Variants in FUT8 observed in about 807,000 individuals in gnomAD.
FUT8 encodes fucosyltransferase 8, also known as alpha-(1,6)-fucosyltransferase.
FUT8 carries 29 observed loss-of-function variants against 71.3 expected under a neutral mutation model. The observed-to-expected ratio is 0.41, with a 90% CI of 0.30 to 0.55. The LOEUF (loss-of-function observed/expected upper bound fraction) is 0.55. Ranked by LOEUF, FUT8 falls within the 20% of genes least tolerant of loss-of-function variation. FUT8 has a pLI of 0.34. For synonymous variants in FUT8, 254 were observed against 239.3 expected (o/e 1.06, Z -0.57); for missense variants, 544 against 702.1 (o/e 0.77, Z 2.55).
intron 1 of FUT8, among the ~76,000 whole-genome samples, chr14:65,428,565 G>A (rs76616146): frequency 1.3e-5 from 2 of 152,056 alleles, no homozygotes; most frequent in East Asian, 1.9e-4. Context: ...CACCCCAAAC[G>A]GACTAAGACA....
intron 2 of FUT8, among the ~76,000 whole-genome samples, chr14:65,465,557 T>C (rs1037622599): frequency 1.3e-5 from 2 of 152,250 alleles, no homozygotes; most frequent in South Asian, 4.1e-4. Flanking sequence ...CTACGAGTTA[T>C]TTGTAAGTGA....
chr14:65,578,445 CTT>C (rs1247814226), intron 3 of FUT8, among the ~76,000 whole-genome samples: 1 of 152,206 alleles, frequency 6.6e-6, no homozygotes, highest in Non-Finnish European at 1.5e-5. Context: ...ATATTGACGT[CTT>C]TTAATTCATT....
intron 7 of FUT8, among the ~76,000 whole-genome samples, chr14:65,673,592 C>T (rs1238748882): frequency 1.3e-5 from 2 of 152,130 alleles, no homozygotes; most frequent in African/African-American, 4.8e-5. Context: ...TGTCAGTGGG[C>T]ACAACATGTA....
chr14:65,549,865 A>G (rs1885189776), intron 2 of FUT8, among the ~76,000 whole-genome samples: 1 of 152,076 alleles, frequency 6.6e-6, no homozygotes, highest in Admixed American at 6.6e-5. Flanking sequence ...TTATAAAGAA[A>G]AGAGGTTTAC....
intron 3 of FUT8, among the ~76,000 whole-genome samples, chr14:65,569,745 G>A (rs115388788): frequency 0.014 from 2,148 of 151,716 alleles, 45 homozygotes; most frequent in African/African-American, 0.049. Flanking sequence ...CTGCCTCTTT[G>A]CATGTCTAGT....
intron 2 of FUT8, among the ~76,000 whole-genome samples, chr14:65,505,435 C>T (rs1332385510): frequency 2.6e-5 from 4 of 151,254 alleles, no homozygotes; most frequent in Non-Finnish European, 5.9e-5. Flanking sequence ...GCCTCAGCCT[C>T]CCAAGTAGCT....
intron 6 of FUT8, among the ~76,000 whole-genome samples, chr14:65,631,680 A>G (rs1890188509): frequency 6.6e-6 from 1 of 152,008 alleles, no homozygotes; most frequent in South Asian, 2.1e-4. Context: ...GGACAATCTC[A>G]GTAGAAAAAA....
At chr14:65,470,829 C>G (rs1042870727) in intron 2 of FUT8, among the ~76,000 whole-genome samples, 1 of 151,952 alleles carries the variant, frequency 6.6e-6, no homozygotes, top group Non-Finnish European at 1.5e-5. Context: ...AGCTCAGCCT[C>G]AGCTCTGCAT....
intron 7 of FUT8, among the ~76,000 whole-genome samples, chr14:65,711,004 T>C (rs973581844): frequency 1.3e-5 from 2 of 152,108 alleles, no homozygotes; most frequent in Non-Finnish European, 2.9e-5. Flanking sequence ...AGGAACTCAC[T>C]CATTACCTCT....
intron 2 of FUT8, chr14:65,471,105 G>A: frequency 2.2e-6 from 1 of 462,902 alleles, no homozygotes; most frequent in South Asian, 1.6e-5. Flanking sequence ...GGTGGTAAGG[G>A]TAGAGGGATG....
At chr14:65,625,680 A>G (rs1326943892) in intron 5 of FUT8, among the ~76,000 whole-genome samples, 1 of 152,234 alleles carries the variant, frequency 6.6e-6, no homozygotes, top group African/African-American at 2.4e-5. Context: ...ACAAATGTCT[A>G]AAGTGCTTCA....
intron 7 of FUT8, among the ~76,000 whole-genome samples, chr14:65,721,244 T>TAA (rs34050977): frequency 0.01 from 1,493 of 146,914 alleles, 22 homozygotes; most frequent in African/African-American, 0.035. Flanking sequence ...TCCAATAGAT[T>TAA]AAAAAAAAAA....
intron 3 of FUT8, among the ~76,000 whole-genome samples, chr14:65,599,969 A>T (rs1484817178): frequency 6.6e-6 from 1 of 152,238 alleles, no homozygotes; most frequent in African/African-American, 2.4e-5. Flanking sequence ...TTTTGAGTAC[A>T]TGAAGAAAAT....
rs148349138 is a variant in FUT8, at chr14:65,700,154, C to T, written c.836-21621C>T. Among the ~76,000 whole-genome samples, 112 of 152,186 alleles carry T rather than the reference C, an allele frequency of 7.4e-4. 2 individuals carry two copies. In the East Asian group the frequency reaches 0.02, roughly 28 times the overall value. ...CTAAGAAGAGCATTTTGGGTTATAT[C>T]ACTGATTCATTCCATTCACTACTCT... On this transcript the variant is annotated intron_variant, in intron 7 of 10. Transcript: ENST00000673929.
At chr14:65,433,964 AT>A (rs1425237965) in intron 1 of FUT8, among the ~76,000 whole-genome samples, 6 of 152,068 alleles carry the variant, frequency 3.9e-5, no homozygotes, top group Non-Finnish European at 4.4e-5. Context: ...AGGCTCAGCT[AT>A]TTCTACCTCT....
intron 5 of FUT8, among the ~76,000 whole-genome samples, chr14:65,628,948 A>G (rs1890032769): frequency 6.6e-6 from 1 of 152,246 alleles, no homozygotes; most frequent in Non-Finnish European, 1.5e-5. Context: ...AGGATCTTAG[A>G]GATCTGTAGA....
chr14:65,450,980 C>T (rs1210471527), intron 1 of FUT8, among the ~76,000 whole-genome samples: 1 of 152,022 alleles, frequency 6.6e-6, no homozygotes, highest in Non-Finnish European at 1.5e-5. Flanking sequence ...CCTCAGCCTC[C>T]CTAGTAGCTG....
chr14:65,657,204 A>G (rs554855550), intron 6 of FUT8, among the ~76,000 whole-genome samples: 1 of 152,348 alleles, frequency 6.6e-6, no homozygotes, highest in South Asian at 2.1e-4. Context: ...GGAGCAGTCA[A>G]CAAAGTGAAG....
At chr14:65,436,735 A>G (rs1394177797) in intron 1 of FUT8, among the ~76,000 whole-genome samples, 1 of 152,146 alleles carries the variant, frequency 6.6e-6, no homozygotes, top group Non-Finnish European at 1.5e-5. Context: ...ACACAATTCC[A>G]GGGGACATCA....
Sources: allele counts gnomAD v4.1 joint callset (sites outside exome capture counted in the v4.1 genomes callset), GRCh38; gene constraint gnomAD v4.1.1; transcripts MANE v1.5; gene names NCBI Gene and HGNC (gene_info 2026-07-23, HGNC 2026-07-21).